VPS53: variants seen among roughly 807,000 people sequenced by gnomAD.
The protein encoded by VPS53 is VPS53 subunit of GARP complex.
A neutral mutation model predicts 107.0 loss-of-function variants in VPS53; 70 were observed. The observed-to-expected ratio is 0.65, with a 90% CI of 0.54 to 0.80. VPS53 has a LOEUF of 0.80. Among genes scored for constraint, VPS53 ranks in the 30% least tolerant of loss-of-function variants. The pLI is 0.00. For synonymous variants in VPS53, 409 were observed against 393.3 expected, an observed-to-expected ratio of 1.04 and a Z score of -0.47; for missense variants, 917 against 1,049.4, an observed-to-expected ratio of 0.87 and a Z score of 1.74.
chr17:655,792 C>T lies in VPS53; in HGVS notation c.488+46G>A, dbSNP rs775893986. 16 of 1,538,254 alleles carry T rather than the reference C, an allele frequency of 1.0e-5. No individual in the cohort carries two copies. In the Admixed American group the frequency reaches 1.8e-4, roughly 17 times the overall value. ...AGGCGACAACACCATTTTCTCTATG[C>T]GATACATTTCCCGTGGCCCCAAAAG... On this transcript the variant is annotated intron_variant, in intron 6 of 21. Coordinates refer to ENST00000437048, the MANE Select transcript of VPS53 (RefSeq NM_001128159.3).
rs9910739 is a variant in VPS53 at position 518,515 on chromosome 17, A to G, written c.*613T>C. Reference sequence around the variant, plus strand: ...GAGTATGGACTTCCTGGGCGTTCCCATGGCTTCATCTGATGAGAAAACCTA... The same window carrying G: ...GAGTATGGACTTCCTGGGCGTTCCCGTGGCTTCATCTGATGAGAAAACCTA... On this transcript the variant is annotated 3_prime_UTR_variant, in exon 22 of 22. Transcript: ENST00000437048. 0.17 allele frequency: 26,334 copies of G among 151,994 alleles called. 4,830 individuals carry two copies. Among genetic ancestry groups the G allele is most frequent in the African/African-American group, 0.45 (18,521 of 41,380 alleles). 9.4% of individuals were successfully genotyped at this position (151,994 alleles called of 1,614,324 possible).
chr17:525,404 G>A (rs1329134257), intron 19 of VPS53, among the ~76,000 whole-genome samples: 1 of 152,102 alleles, frequency 6.6e-6, no homozygotes, highest in African/African-American at 2.4e-5. Flanking sequence ...ATGATCTAAA[G>A]CAGGCAGGGT....
At chr17:658,657 G>A (rs1971313041) in intron 5 of VPS53, among the ~76,000 whole-genome samples, 1 of 146,988 alleles carries the variant, frequency 6.8e-6, no homozygotes. Flanking sequence ...TCGGCCGTGA[G>A]TTCGTGGATA....
At chr17:685,423 A>G (rs1324194752) in intron 4 of VPS53, among the ~76,000 whole-genome samples, 3 of 152,246 alleles carry the variant, frequency 2.0e-5, no homozygotes, top group Non-Finnish European at 4.4e-5. Flanking sequence ...TTGGGTACCC[A>G]TACAACCACT....
intron 11 of VPS53, among the ~76,000 whole-genome samples, chr17:606,025 C>T (rs1286737417): frequency 6.6e-6 from 1 of 152,016 alleles, no homozygotes; most frequent in East Asian, 1.9e-4. Context: ...CTACAGTGCT[C>T]CAGGAAAGGG....
chr17:679,953 G>A (rs1476541547), intron 4 of VPS53, among the ~76,000 whole-genome samples: 5 of 151,764 alleles, frequency 3.3e-5, no homozygotes, highest in Non-Finnish European at 7.4e-5. Flanking sequence ...TTCGAGACCA[G>A]CCTGGCCAAC....
intron 4 of VPS53, among the ~76,000 whole-genome samples, chr17:689,981 C>T (rs768196371): frequency 2.1e-4 from 32 of 152,098 alleles, no homozygotes; most frequent in South Asian, 4.1e-4. Flanking sequence ...CAGCCCCGGA[C>T]GACACACACA....
intron 19 of VPS53, among the ~76,000 whole-genome samples, chr17:529,757 T>C (rs1245797928): frequency 6.6e-6 from 1 of 152,108 alleles, no homozygotes; most frequent in Non-Finnish European, 1.5e-5. Flanking sequence ...AATGATTTCA[T>C]TTAGGCCTGG....
At chr17:651,421 C>T (rs986335194) in intron 7 of VPS53, among the ~76,000 whole-genome samples, 2 of 152,198 alleles carry the variant, frequency 1.3e-5, no homozygotes, top group African/African-American at 4.8e-5. Flanking sequence ...GAGACCCTGT[C>T]TCTACAAAAA....
rs1213663255 is a variant in VPS53, at chr17:562,582, G to A, written c.1477C>T (p.Pro493Ser). 4 of 1,613,808 alleles carry A rather than the reference G, an allele frequency of 2.5e-6. No individual in the cohort carries two copies. The highest frequency in any genetic ancestry group is 3.3e-5 in the Admixed American group (2 of 59,974). Residue 493 changes from proline (P) to serine (S), a missense_variant, in exon 14 of 22, where the codon CCC becomes TCC. Transcript: ENST00000437048. Reference protein sequence around the residue: ...VQCSQLSTGEPMIALTTIFQK... With the variant: ...VQCSQLSTGESMIALTTIFQK... ...AAAATGGTGGTCAGGGCGATCATGG[G>A]CTCCCCAGTACTGAGCTGAGAGCAT...
At chr17:534,272 C>T (rs959644590) in intron 18 of VPS53, among the ~76,000 whole-genome samples, 5 of 152,200 alleles carry the variant, frequency 3.3e-5, no homozygotes, top group African/African-American at 1.2e-4. Flanking sequence ...GGAGGAGGAT[C>T]AGCTCAGTGG....
At chr17:700,321 T>C (rs1304071161) in intron 2 of VPS53, among the ~76,000 whole-genome samples, 1 of 151,936 alleles carries the variant, frequency 6.6e-6, no homozygotes, top group Non-Finnish European at 1.5e-5. Context: ...GGCAGGCGGA[T>C]CACCTGAGGT....
chr17:706,473 G>A (rs1208174921), intron 2 of VPS53, among the ~76,000 whole-genome samples: 1 of 150,768 alleles, frequency 6.6e-6, no homozygotes, highest in African/African-American at 2.4e-5. Context: ...GGAGTTGGAG[G>A]TTGCAGTGAG....
intron 17 of VPS53, among the ~76,000 whole-genome samples, chr17:550,100 G>A (rs573883998): frequency 5.9e-5 from 9 of 152,108 alleles, no homozygotes; most frequent in Non-Finnish European, 7.4e-5. Flanking sequence ...CACTAGACCC[G>A]CCCGTTCCAT....
At chr17:584,418 A>AT (rs1385620234) in intron 13 of VPS53, among the ~76,000 whole-genome samples, 1 of 152,126 alleles carries the variant, frequency 6.6e-6, no homozygotes, top group African/African-American at 2.4e-5. Context: ...AGTCTTTGGG[A>AT]TTTTTTTAAA....
rs551553553 is a variant in VPS53 at position 521,118 on chromosome 17, C to T, written c.2223+483G>A. On this transcript the variant is annotated intron_variant, in intron 20 of 21. Coordinates refer to ENST00000437048, the MANE Select transcript of VPS53 (RefSeq NM_001128159.3). ...AGAGGCAGATGCGCAGGGCTTCAGA[C>T]GTTCCTCACTCGAAGTACAGTCTTG... Among the ~76,000 whole-genome samples, 77 of 152,364 alleles carry T rather than the reference C, an allele frequency of 5.1e-4. 3 individuals are homozygous for T. In the South Asian group the frequency reaches 0.015, roughly 30 times the overall value.
At chr17:610,518 C>A (rs1968810974) in intron 11 of VPS53, among the ~76,000 whole-genome samples, 1 of 152,100 alleles carries the variant, frequency 6.6e-6, no homozygotes, top group Admixed American at 6.5e-5. Context: ...AAAAAACCTT[C>A]ATTAAAACGG....
At chr17:571,606 T>C (rs868188301) in intron 13 of VPS53, among the ~76,000 whole-genome samples, 15 of 151,556 alleles carry the variant, frequency 9.9e-5, no homozygotes, top group Middle Eastern at 6.8e-3. Context: ...GAAGCTGGAC[T>C]GTGCTGCTGC....
At chr17:646,002 A>G (rs187826808) in intron 7 of VPS53, among the ~76,000 whole-genome samples, 4,012 of 60,832 alleles carry the variant, frequency 0.066, no homozygotes, top group Middle Eastern at 0.15. Flanking sequence ...TTTCTAATCC[A>G]TATCACGGAC....
Sources: gnomAD v4.1 joint callset for allele counts (sites outside exome capture counted in the v4.1 genomes callset) on GRCh38, gnomAD v4.1.1 for gene constraint, MANE v1.5 for transcripts, NCBI Gene and HGNC (gene_info 2026-07-23, HGNC 2026-07-21) for gene names.